Variants in KIAA1328 observed in about 807,000 individuals in gnomAD.
The protein encoded by KIAA1328 is protein hinderin.
In KIAA1328, 52 loss-of-function variants were observed where a neutral mutation model predicts 68.1. The observed-to-expected ratio is 0.76, with a 90% CI of 0.61 to 0.96. KIAA1328 has a LOEUF of 0.96. Ranked by LOEUF, KIAA1328 falls within the 40% of genes least tolerant of loss-of-function variation. The pLI is 0.00. For missense variants in KIAA1328, 641 were observed against 677.6 expected (o/e 0.95, Z 0.60); for synonymous variants, 232 against 239.4 (o/e 0.97, Z 0.28).
chr18:37,158,017 T>C (rs1456311778), intron 7 of KIAA1328, among the ~76,000 whole-genome samples: 1 of 150,784 alleles, frequency 6.6e-6, no homozygotes, highest in Non-Finnish European at 1.5e-5. Flanking sequence ...GAGAAATTCC[T>C]TTTTTTTTCT....
chr18:37,190,766 G>T (rs997630844), intron 9 of KIAA1328, among the ~76,000 whole-genome samples: 1 of 152,158 alleles, frequency 6.6e-6, no homozygotes, highest in African/African-American at 2.4e-5. Flanking sequence ...GGGATGTGAG[G>T]TTTAATTACT....
chr18:37,143,864 G>GA lies in KIAA1328; in HGVS notation c.1233-16330dup, dbSNP rs1238998331. On this transcript the variant is annotated intron_variant, in intron 7 of 9. Coordinates refer to ENST00000280020, the MANE Select transcript of KIAA1328 (RefSeq NM_020776.3). ...GAATGTTAAGCCAATGTTATATTTT[G>GA]AAAAAATACTAACTTGGCCGTGATA... 5.3e-5 allele frequency among the ~76,000 whole-genome samples: 8 copies of GA among 151,680 alleles called. No individual in the cohort carries two copies. The East Asian group carries it at 7.7e-4, about 15-fold the overall frequency.
chr18:37,049,499 T>G (rs2055607426), intron 6 of KIAA1328, among the ~76,000 whole-genome samples: 1 of 152,180 alleles, frequency 6.6e-6, no homozygotes, highest in South Asian at 2.1e-4. Flanking sequence ...TTTTTAAAAG[T>G]CAGGATTTGT....
At chr18:37,174,506 C>A (rs2059560733) in intron 9 of KIAA1328, among the ~76,000 whole-genome samples, 1 of 151,284 alleles carries the variant, frequency 6.6e-6, no homozygotes, top group Non-Finnish European at 1.5e-5. Context: ...CCTCAGCCTC[C>A]CAAGTAGCTG....
At chr18:37,134,098 C>G (rs1043765763) in intron 7 of KIAA1328, among the ~76,000 whole-genome samples, 6 of 151,900 alleles carry the variant, frequency 3.9e-5, no homozygotes, top group African/African-American at 1.5e-4. Context: ...TCTGCAATCT[C>G]CGCCTCCCAG....
At chr18:36,876,102 A>T (rs1433471919) in intron 4 of KIAA1328, among the ~76,000 whole-genome samples, 1 of 152,114 alleles carries the variant, frequency 6.6e-6, no homozygotes, top group Non-Finnish European at 1.5e-5. Flanking sequence ...ATCGATGTTC[A>T]TCAGGGATAT....
chr18:37,174,437 C>G (rs1165502786), intron 9 of KIAA1328, among the ~76,000 whole-genome samples: 1 of 136,058 alleles, frequency 7.3e-6, no homozygotes, highest in Non-Finnish European at 1.5e-5. Flanking sequence ...GGCTGGAGTA[C>G]AGTGGTGCGA....
chr18:37,127,316 G>A (rs1453884342), intron 7 of KIAA1328, among the ~76,000 whole-genome samples: 2 of 152,058 alleles, frequency 1.3e-5, no homozygotes, highest in East Asian at 1.9e-4. Context: ...AAACACACAC[G>A]TTCATAATAC....
chr18:37,109,720 A>G (rs1258319489), intron 7 of KIAA1328, among the ~76,000 whole-genome samples: 1 of 152,212 alleles, frequency 6.6e-6, no homozygotes. Context: ...CTGCACGTGA[A>G]TAGACAGAGT....
chr18:37,197,876 G>C (rs1028797113), intron 9 of KIAA1328, among the ~76,000 whole-genome samples: 1 of 152,070 alleles, frequency 6.6e-6, no homozygotes. Context: ...GAAAATAGAT[G>C]TCCATGCTGA....
At chr18:36,887,696 T>C (rs2048546954) in intron 5 of KIAA1328, among the ~76,000 whole-genome samples, 1 of 152,216 alleles carries the variant, frequency 6.6e-6, no homozygotes, top group Non-Finnish European at 1.5e-5. Flanking sequence ...AGCATTTAGC[T>C]TGTCCAAGTT....
chr18:37,010,379 A>G (rs1057427950), intron 6 of KIAA1328, among the ~76,000 whole-genome samples: 4 of 137,934 alleles, frequency 2.9e-5, no homozygotes, highest in Non-Finnish European at 6.1e-5. Context: ...GGAGGTGGAG[A>G]TTGCAGTGAG....
At chr18:36,952,782 G>A (rs1232084964) in intron 5 of KIAA1328, among the ~76,000 whole-genome samples, 1 of 152,062 alleles carries the variant, frequency 6.6e-6, no homozygotes, top group Admixed American at 6.6e-5. Flanking sequence ...CTGGCTCCAA[G>A]GACAGTTCTG....
chr18:36,997,191 C>T (rs929716131), intron 6 of KIAA1328, among the ~76,000 whole-genome samples: 11 of 152,186 alleles, frequency 7.2e-5, no homozygotes, highest in African/African-American at 2.6e-4. Context: ...CTGGTATGAC[C>T]CATTAGGAGT....
chr18:37,137,655 T>G (rs1000651971), intron 7 of KIAA1328, among the ~76,000 whole-genome samples: 1 of 152,232 alleles, frequency 6.6e-6, no homozygotes. Context: ...TTTCTTTCTC[T>G]GCTTATCTCC....
chr18:36,909,102 A>C (rs1260969579), intron 5 of KIAA1328, among the ~76,000 whole-genome samples: 1 of 152,092 alleles, frequency 6.6e-6, no homozygotes, highest in Non-Finnish European at 1.5e-5. Context: ...ACTCTGACCA[A>C]ATAGAATAAA....
chr18:36,829,462 T>G, intron 1 of KIAA1328: 1 of 1,284,170 alleles, frequency 7.8e-7, no homozygotes, highest in Non-Finnish European at 9.8e-7. Flanking sequence ...AAGATAGCCT[T>G]GAGTCCAGGC....
At chr18:37,101,220 A>T (rs1194731225) in intron 7 of KIAA1328, among the ~76,000 whole-genome samples, 3 of 152,196 alleles carry the variant, frequency 2.0e-5, no homozygotes, top group African/African-American at 7.2e-5. Context: ...AACTACTCTG[A>T]GCTAAAGGAG....
chr18:36,972,533 G>T (rs1167395233), intron 6 of KIAA1328, among the ~76,000 whole-genome samples: 1 of 152,136 alleles, frequency 6.6e-6, no homozygotes, highest in African/African-American at 2.4e-5. Context: ...TCATCACAAT[G>T]CTAGCCATTG....
Sources: allele counts gnomAD v4.1 joint callset (sites outside exome capture counted in the v4.1 genomes callset), GRCh38; gene constraint gnomAD v4.1.1; transcripts MANE v1.5; gene names NCBI Gene and HGNC (gene_info 2026-07-23, HGNC 2026-07-21).